The following RBM18 variants were observed in gnomAD, a reference collection of about 807,000 sequenced individuals.
RBM18 encodes the protein probable RNA-binding protein 18.
In RBM18, 18 loss-of-function variants were observed where a neutral mutation model predicts 26.4. That is an observed-to-expected ratio of 0.68 (90% CI 0.47 to 1.01). The LOEUF is 1.01. Ranked by LOEUF, RBM18 falls within the 50% of genes least tolerant of loss-of-function variation. RBM18 has a pLI of 0.00. For missense variants in RBM18, 180 were observed against 219.2 expected (o/e 0.82, Z 1.13); for synonymous variants, 74 against 81.1 (o/e 0.91, Z 0.47).
chr9:122,257,367 C>T (rs889113750), intron 2 of RBM18, among the ~76,000 whole-genome samples: 1 of 152,164 alleles, frequency 6.6e-6, no homozygotes, highest in South Asian at 2.1e-4. Context: ...GGGATGGTCT[C>T]GATCTCCTGA....
intron 1 of RBM18, among the ~76,000 whole-genome samples, chr9:122,263,843 G>C (rs1377139689): frequency 6.6e-6 from 1 of 152,166 alleles, no homozygotes; most frequent in African/African-American, 2.4e-5. Flanking sequence ...AGGCTATGCG[G>C]GTCTGGGTTC....
chr9:122,253,318 G>T (rs746758977), intron 2 of RBM18, among the ~76,000 whole-genome samples: 32 of 152,150 alleles, frequency 2.1e-4, no homozygotes, highest in African/African-American at 4.1e-4. Flanking sequence ...TGGATCAAGT[G>T]TCTGACACAG....
At chr9:122,261,838 C>T (rs1408425090) in intron 1 of RBM18, among the ~76,000 whole-genome samples, 1 of 152,182 alleles carries the variant, frequency 6.6e-6, no homozygotes, top group Non-Finnish European at 1.5e-5. Context: ...CAACTGTCAC[C>T]CAAAATAAGC....
At chr9:122,264,124 C>T (rs1831898958) in intron 1 of RBM18, among the ~76,000 whole-genome samples, 1 of 152,186 alleles carries the variant, frequency 6.6e-6, no homozygotes, top group African/African-American at 2.4e-5. Flanking sequence ...AAGTACACTG[C>T]CTGTCTCACG....
At chr9:122,259,883 G>A (rs1457934271) in intron 2 of RBM18, among the ~76,000 whole-genome samples, 1 of 151,846 alleles carries the variant, frequency 6.6e-6, no homozygotes, top group East Asian at 2.0e-4. Context: ...TAGTAGAGAC[G>A]GGGTTTCACC....
At chr9:122,255,367 C>G (rs544877922) in intron 2 of RBM18, among the ~76,000 whole-genome samples, 1 of 152,256 alleles carries the variant, frequency 6.6e-6, no homozygotes, top group South Asian at 2.1e-4. Context: ...CGGGGGTGAA[C>G]ACACTGTTCT....
At chr9:122,258,793 A>G (rs1831738956) in intron 2 of RBM18, among the ~76,000 whole-genome samples, 1 of 151,654 alleles carries the variant, frequency 6.6e-6, no homozygotes, top group South Asian at 2.1e-4. Context: ...AAAACAAAAA[A>G]CAACAAACTA....
chr9:122,254,874 C>CCATT (rs1416196039), intron 2 of RBM18, among the ~76,000 whole-genome samples: 3 of 151,990 alleles, frequency 2.0e-5, no homozygotes, highest in African/African-American at 7.2e-5. Context: ...GAATGAAGAC[C>CCATT]AATGGTACAA....
At chr9:122,250,921 A>ATTATTATTATTATTATTT (rs1831593064) in intron 3 of RBM18, among the ~76,000 whole-genome samples, 1 of 150,810 alleles carries the variant, frequency 6.6e-6, no homozygotes, top group African/African-American at 2.4e-5. Flanking sequence ...TATTATTATT[A>ATTATTATTATTATTATTT]CTATTATTAT....
chr9:122,259,821 G>C (rs1490981915), intron 2 of RBM18, among the ~76,000 whole-genome samples: 3 of 152,014 alleles, frequency 2.0e-5, no homozygotes, highest in Non-Finnish European at 2.9e-5. Context: ...AACCTCCCAA[G>C]TAGCTGGGAC....
At chr9:122,262,524 G>A (rs145525151) in intron 1 of RBM18, among the ~76,000 whole-genome samples, 164 of 152,370 alleles carry the variant, frequency 1.1e-3, no homozygotes, top group African/African-American at 3.6e-3. Flanking sequence ...GACAGCAGTA[G>A]AAAGAGCAGA....
intron 3 of RBM18, 69 bp from the exon 4 acceptor site, chr9:122,247,673 G>C: frequency 8.5e-7 from 1 of 1,176,604 alleles, no homozygotes; most frequent in Non-Finnish European, 1.3e-6. Context: ...ATTCTCACAG[G>C]GCTTCACTAG....
chr9:122,239,228 T>TTG lies in RBM18; in HGVS notation c.*2655_*2656insCA. On this transcript the variant is annotated 3_prime_UTR_variant, in exon 6 of 6. Transcript: ENST00000417201. ...TTTTTGACCTGTTTTGTTTTTGTTT[T>TTG]TTTTGAGACGGTGTCTCACTCTGTT... The TTG allele has an allele frequency of 6.6e-6, 1 of 151,934 alleles. No homozygotes were observed. Among genetic ancestry groups the TTG allele is most frequent in the East Asian group, 1.9e-4 (1 of 5,168 alleles). The allele number at this position is 151,934 out of a possible 1,614,324, so 9.4% of individuals were successfully genotyped here.
intron 2 of RBM18, among the ~76,000 whole-genome samples, chr9:122,259,599 G>A (rs1831753231): frequency 6.6e-6 from 1 of 152,122 alleles, no homozygotes; most frequent in African/African-American, 2.4e-5. Context: ...GCAGGTTTAA[G>A]GAACTTTTTG....
chr9:122,251,494 C>T (rs924464590), intron 3 of RBM18, among the ~76,000 whole-genome samples: 8 of 152,048 alleles, frequency 5.3e-5, no homozygotes, highest in African/African-American at 1.7e-4. Context: ...TACCACAGGA[C>T]AAAACTACTG....
At chr9:122,260,779 T>C (rs1831780307) in intron 2 of RBM18, among the ~76,000 whole-genome samples, 1 of 152,238 alleles carries the variant, frequency 6.6e-6, no homozygotes, top group Admixed American at 6.5e-5. Flanking sequence ...AACTCTGAGC[T>C]CTTATTTTAT....
chr9:122,251,360 A>G (rs1178246905), intron 3 of RBM18, among the ~76,000 whole-genome samples: 3 of 152,216 alleles, frequency 2.0e-5, no homozygotes, highest in Non-Finnish European at 2.9e-5. Context: ...ATCCATGTAT[A>G]TATCATGGTT....
chr9:122,244,099 C>A (rs1831466542), intron 5 of RBM18, among the ~76,000 whole-genome samples: 1 of 151,862 alleles, frequency 6.6e-6, no homozygotes, highest in African/African-American at 2.4e-5. Context: ...ATATATGCTC[C>A]CAGTGACTCT....
At chr9:122,242,518 T>C (rs1831437237) in intron 5 of RBM18, among the ~76,000 whole-genome samples, 1 of 152,222 alleles carries the variant, frequency 6.6e-6, no homozygotes, top group African/African-American at 2.4e-5. Context: ...AAGCCCAGGT[T>C]TCACCTGAAT....
Sources: allele counts gnomAD v4.1 joint callset (sites outside exome capture counted in the v4.1 genomes callset), GRCh38; gene constraint gnomAD v4.1.1; transcripts MANE v1.5; gene names NCBI Gene and HGNC (gene_info 2026-07-23, HGNC 2026-07-21).